SUMF1: variants seen among roughly 807,000 people sequenced by gnomAD.
SUMF1 encodes the protein formylglycine-generating enzyme.
Under a neutral mutation model 47.6 loss-of-function variants are expected in SUMF1, and 48 were observed. The ratio of observed to expected loss-of-function variants is 1.01; its 90% CI spans 0.80 to 1.28. SUMF1 has a LOEUF of 1.28. Among genes scored for constraint, SUMF1 ranks in the 50% most tolerant of loss-of-function variants. The probability of loss-of-function intolerance (pLI) is 0.00; values close to 1 mark genes in which losing one functional copy is unlikely to be tolerated. For synonymous variants in SUMF1, 230 were observed against 192.1 expected (o/e 1.20, Z -1.63); for missense variants, 571 against 485.4 (o/e 1.18, Z -1.66).
chr3:4,098,057 A>G (rs1301296446), intron 8 of SUMF1, among the ~76,000 whole-genome samples: 2 of 152,138 alleles, frequency 1.3e-5, no homozygotes, highest in African/African-American at 4.8e-5. Flanking sequence ...AAATGCCCAG[A>G]AGAATAACGT....
chr3:4,144,019 C>G, intron 8 of SUMF1, among the ~76,000 whole-genome samples: 1 of 141,938 alleles, frequency 7.0e-6, no homozygotes, highest in African/African-American at 2.6e-5. Flanking sequence ...TAGACAGGGT[C>G]TCGCTCTGTC....
At chr3:4,298,400 A>G (rs984067796) in intron 8 of SUMF1, among the ~76,000 whole-genome samples, 4 of 152,194 alleles carry the variant, frequency 2.6e-5, no homozygotes, top group Non-Finnish European at 5.9e-5. Context: ...ATACTTTTGG[A>G]TCCTCTGCCA....
chr3:4,280,844 TG>T (rs1405155169), intron 8 of SUMF1, among the ~76,000 whole-genome samples: 1 of 58,060 alleles, frequency 1.7e-5, no homozygotes, highest in Admixed American at 1.5e-4. Context: ...TGTGTGTGTG[TG>T]TGTGTGTGTG....
In SUMF1 at chr3:4,104,890, G is replaced by A. The variant is rs186997487; in HGVS notation, c.1015-36145C>T. Among the ~76,000 whole-genome samples, 9 of 152,098 alleles carry A rather than the reference G, an allele frequency of 5.9e-5. No individual in the cohort carries two copies. In the East Asian group the frequency reaches 1.7e-3, roughly 29 times the overall value. On this transcript the variant is annotated intron_variant and NMD_transcript_variant, in intron 8 of 12. Coordinates refer to the SUMF1 transcript ENST00000448413. ...ACCACTTCTGGTATACATTCAAAGG[G>A]ATTGAAATCAGTATGTTGAAGAGAT...
intron 8 of SUMF1, among the ~76,000 whole-genome samples, chr3:4,126,734 T>C (rs933515230): frequency 1.3e-5 from 2 of 152,078 alleles, no homozygotes; most frequent in African/African-American, 2.4e-5. Flanking sequence ...AAACCTATAA[T>C]ATAAGGAAAG....
intron 3 of SUMF1, among the ~76,000 whole-genome samples, chr3:4,443,291 T>G (rs111693507): frequency 6.6e-6 from 1 of 151,248 alleles, no homozygotes; most frequent in Non-Finnish European, 1.5e-5. Context: ...AATAAAAATT[T>G]AAAAAATGAG....
At chr3:4,289,874 T>C (rs1353949464) in intron 8 of SUMF1, among the ~76,000 whole-genome samples, 2 of 152,222 alleles carry the variant, frequency 1.3e-5, no homozygotes, top group Non-Finnish European at 2.9e-5. Flanking sequence ...CCTTTCTTTA[T>C]TATGAATGAC....
At chr3:4,087,100 CTAAA>C (rs1353961550) in intron 8 of SUMF1, among the ~76,000 whole-genome samples, 2 of 152,130 alleles carry the variant, frequency 1.3e-5, no homozygotes, top group African/African-American at 4.8e-5. Context: ...AGAGCGATCA[CTAAA>C]TAATGATTCT....
intron 8 of SUMF1, among the ~76,000 whole-genome samples, chr3:4,163,352 G>A (rs922732402): frequency 1.3e-5 from 1 of 77,788 alleles, no homozygotes; most frequent in African/African-American, 4.8e-5. Context: ...GAGAGAGACA[G>A]AGAGAGAGAG....
intron 7 of SUMF1, among the ~76,000 whole-genome samples, chr3:4,380,235 A>T (rs794209): frequency 2.6e-5 from 4 of 152,074 alleles, no homozygotes; most frequent in Non-Finnish European, 4.4e-5. Flanking sequence ...AATACTACAC[A>T]GCCATAAAAA....
chr3:4,292,273 T>C (rs951032570), intron 8 of SUMF1, among the ~76,000 whole-genome samples: 1 of 152,216 alleles, frequency 6.6e-6, no homozygotes, highest in Non-Finnish European at 1.5e-5. Context: ...AAAATACACA[T>C]AGGCTAAAAC....
At chr3:4,156,962 A>T (rs1160951549) in intron 8 of SUMF1, among the ~76,000 whole-genome samples, 1 of 151,614 alleles carries the variant, frequency 6.6e-6, no homozygotes, top group Non-Finnish European at 1.5e-5. Flanking sequence ...ACATTTTCAC[A>T]GCCTTTCATT....
At chr3:4,371,825 G>A (rs1415892678) in intron 8 of SUMF1, among the ~76,000 whole-genome samples, 2 of 152,176 alleles carry the variant, frequency 1.3e-5, no homozygotes, top group Admixed American at 6.5e-5. Context: ...TGTTAATAGT[G>A]TGCCTAAGGT....
intron 9 of SUMF1, among the ~76,000 whole-genome samples, chr3:4,048,166 C>T (rs183760233): frequency 7.9e-5 from 12 of 152,236 alleles, no homozygotes; most frequent in Middle Eastern, 3.4e-3. Context: ...TTCCATTCTT[C>T]AAGTCTGGGC....
At chr3:4,249,478 T>C (rs1348393080) in intron 8 of SUMF1, among the ~76,000 whole-genome samples, 1 of 152,190 alleles carries the variant, frequency 6.6e-6, no homozygotes, top group Non-Finnish European at 1.5e-5. Flanking sequence ...TGGTCTATAA[T>C]CAGTAATCTT....
intron 8 of SUMF1, among the ~76,000 whole-genome samples, chr3:4,136,931 C>T (rs1693947349): frequency 2.0e-5 from 3 of 152,120 alleles, no homozygotes; most frequent in Admixed American, 2.0e-4. Context: ...GATACTATCT[C>T]ACACCAGTTA....
At chr3:4,277,268 G>T (rs1697439158) in intron 8 of SUMF1, among the ~76,000 whole-genome samples, 1 of 152,056 alleles carries the variant, frequency 6.6e-6, no homozygotes, top group African/African-American at 2.4e-5. Context: ...TTCAAATAAA[G>T]AATGAAGACA....
At chr3:4,426,848 G>T (rs1702083888) in intron 3 of SUMF1, among the ~76,000 whole-genome samples, 1 of 152,142 alleles carries the variant, frequency 6.6e-6, no homozygotes, top group East Asian at 1.9e-4. Context: ...ACTTTAACAT[G>T]ACCTATTTCT....
chr3:4,282,591 C>G (rs1316480129), intron 8 of SUMF1, among the ~76,000 whole-genome samples: 1 of 152,130 alleles, frequency 6.6e-6, no homozygotes, highest in Admixed American at 6.5e-5. Context: ...CAATTTCAAC[C>G]CTTTTACACT....
Sources: allele counts gnomAD v4.1 joint callset (sites outside exome capture counted in the v4.1 genomes callset), GRCh38; gene constraint gnomAD v4.1.1; transcripts MANE v1.5; gene names NCBI Gene and HGNC (gene_info 2026-07-23, HGNC 2026-07-21).